Variants in PCDHA10 observed in about 807,000 individuals in gnomAD.
PCDHA10 encodes protocadherin alpha-10.
Under a neutral mutation model 61.2 loss-of-function variants are expected in PCDHA10, and 45 were observed. The observed-to-expected ratio is 0.74, with a 90% CI of 0.58 to 0.94. PCDHA10 has a LOEUF of 0.94. Ranked by LOEUF, PCDHA10 falls within the 40% of genes least tolerant of loss-of-function variation. PCDHA10 has a pLI of 0.00. For synonymous variants in PCDHA10, 602 were observed against 548.8 expected (o/e 1.10, Z -1.35); for missense variants, 1,278 against 1,236.2 (o/e 1.03, Z -0.51).
At chr5:140,911,709 G>A (rs1029382331) in intron 1 of PCDHA10, among the ~76,000 whole-genome samples, 1 of 151,822 alleles carries the variant, frequency 6.6e-6, no homozygotes, top group Non-Finnish European at 1.5e-5. Context: ...AATTTATTTT[G>A]TGTAACTCTG....
intron 1 of PCDHA10, chr5:140,870,604 C>T (rs376574285): frequency 1.9e-6 from 3 of 1,613,134 alleles, no homozygotes; most frequent in African/African-American, 2.7e-5. Context: ...GTTGGGCGAC[C>T]GCGCGCTGTC....
intron 1 of PCDHA10, among the ~76,000 whole-genome samples, chr5:140,947,556 A>C (rs1281977555): frequency 1.3e-5 from 2 of 151,584 alleles, no homozygotes; most frequent in Admixed American, 6.6e-5. Flanking sequence ...TTCCGCTGGG[A>C]TTTATATTGG....
intron 1 of PCDHA10, among the ~76,000 whole-genome samples, chr5:140,965,088 G>A (rs1390840466): frequency 4.6e-5 from 7 of 152,196 alleles, no homozygotes; most frequent in Non-Finnish European, 8.8e-5. Context: ...CTTTGTTCCA[G>A]TCCATAGCTA....
At chr5:140,895,116 T>C (rs2064856298) in intron 1 of PCDHA10, among the ~76,000 whole-genome samples, 1 of 152,182 alleles carries the variant, frequency 6.6e-6, no homozygotes, top group African/African-American at 2.4e-5. Flanking sequence ...AAGAAGACAT[T>C]TGTTAGTTGA....
intron 1 of PCDHA10, among the ~76,000 whole-genome samples, chr5:140,902,102 GA>G (rs782818661): frequency 1.3e-5 from 2 of 151,098 alleles, no homozygotes; most frequent in Non-Finnish European, 2.9e-5. Context: ...GGAGTCTTTA[GA>G]TTTTTTTAAA....
intron 1 of PCDHA10, among the ~76,000 whole-genome samples, chr5:140,889,977 C>A (rs2062447126): frequency 6.6e-6 from 1 of 152,102 alleles, no homozygotes; most frequent in African/African-American, 2.4e-5. Flanking sequence ...ATCCAGTCTC[C>A]AGTTGTCTTA....
In PCDHA10 at chr5:141,009,814, A is replaced by C. The variant is rs781835321; in HGVS notation, c.2724A>C (p.Lys908Asn). Residue 908 changes from lysine to asparagine, a missense_variant, in exon 4 of 4, where the codon AAA (lysine) becomes AAC (asparagine). By Grantham distance (94) the Lys-to-Asn change is moderately conservative. Coordinates refer to ENST00000307360, the MANE Select transcript of PCDHA10 (RefSeq NM_018901.4). ...RQEPTNSQID[K>N]SDFITFGKKE... ...AGCCTACTAACAGCCAAATTGACAA[A>C]AGTGACTTCATAACCTTCGGCAAAA... The C allele has an allele frequency of 6.2e-7, 1 of 1,614,124 alleles. No individual in the cohort carries two copies. The highest frequency in any genetic ancestry group is 8.5e-7 in the Non-Finnish European group (1 of 1,180,010).
At chr5:141,001,811 C>T (rs1200900455) in intron 3 of PCDHA10, among the ~76,000 whole-genome samples, 1 of 152,128 alleles carries the variant, frequency 6.6e-6, no homozygotes, top group Non-Finnish European at 1.5e-5. Flanking sequence ...ATTCTACAAT[C>T]GGCCAAATTC....
At chr5:140,916,821 CT>C (rs1452400361) in intron 1 of PCDHA10, among the ~76,000 whole-genome samples, 3 of 152,170 alleles carry the variant, frequency 2.0e-5, no homozygotes, top group Non-Finnish European at 2.9e-5. Flanking sequence ...TGTGCCACCC[CT>C]ATCCCTCTGG....
rs141079325 is a variant in PCDHA10 at position 140,900,797 on chromosome 5, T to C, written c.2388+42361T>C. Among the ~76,000 whole-genome samples the C allele has an allele frequency of 8.0e-3, 1,218 of 152,324 alleles. 6 individuals carry two copies. Among genetic ancestry groups the C allele is most frequent in the African/African-American group, 0.019 (783 of 41,568 alleles). On this transcript the variant is annotated intron_variant, in intron 1 of 3. Coordinates refer to ENST00000307360, the MANE Select transcript of PCDHA10 (RefSeq NM_018901.4). ...TGAGGAAACTCCAAACTGTTCTCCA[T>C]AGTGCTTGTACTAATTTACATTCCC...
chr5:140,857,140 G>A lies in PCDHA10; in HGVS notation c.1092G>A (p.Val364=). 6.3e-7 allele frequency: 1 copy of A among 1,598,276 alleles called. No homozygotes were observed. The highest frequency in any genetic ancestry group is 8.6e-7 in the Non-Finnish European group (1 of 1,167,788). Residue 364 remains valine, a synonymous_variant, in exon 1 of 4, where the codon GTG becomes GTA. Coordinates refer to ENST00000307360, the MANE Select transcript of PCDHA10 (RefSeq NM_018901.4). ...LSLPVKEDAQ[V]GTVIALISVS... ...TCCCAGTGAAAGAAGATGCTCAAGT[G>A]GGCACCGTCATTGCCCTAATCAGCG... is the stretch of plus-strand genomic sequence containing the variant.
At chr5:140,859,117 T>C (rs1441256234) in intron 1 of PCDHA10, 3 of 150,206 alleles carry the variant, frequency 2.0e-5, no homozygotes, top group Non-Finnish European at 4.5e-5. Context: ...AGAAAATGTA[T>C]GTTTCTTTTA....
chr5:140,868,942 C>G (rs1238492263), intron 1 of PCDHA10: 1 of 1,256,058 alleles, frequency 8.0e-7, no homozygotes, highest in Admixed American at 2.8e-5. Context: ...TTGGTCTGAA[C>G]AGTGAGGCAC....
intron 1 of PCDHA10, among the ~76,000 whole-genome samples, chr5:140,925,337 A>G (rs2082438861): frequency 6.6e-6 from 1 of 152,072 alleles, no homozygotes; most frequent in South Asian, 2.1e-4. Flanking sequence ...TAAAAGAAGG[A>G]TTTGAGTGAG....
chr5:140,936,981 T>C (rs2153630854), intron 1 of PCDHA10, among the ~76,000 whole-genome samples: 1 of 152,330 alleles, frequency 6.6e-6, no homozygotes, highest in South Asian at 2.1e-4. Flanking sequence ...ATGAAGCTTG[T>C]TAACATTGAC....
At chr5:140,969,224 T>A (rs782172299) in intron 1 of PCDHA10, 1 of 1,614,100 alleles carries the variant, frequency 6.2e-7, no homozygotes, top group East Asian at 2.2e-5. Context: ...ACCAGGGCCT[T>A]CGGGAGCCCA....
At position 140,857,203 on chromosome 5, in the gene PCDHA10, C is replaced by T. The variant is rs781954201; in HGVS notation, c.1155C>T (p.Thr385=). 1.0e-5 allele frequency: 16 copies of T among 1,598,514 alleles called. 1 individual carries two copies. In the Admixed American group the frequency reaches 2.4e-4, roughly 24 times the overall value. Residue 385 remains threonine, a synonymous_variant, in exon 1 of 4, where the codon ACC becomes ACT. Transcript: ENST00000307360. ...DHDSGANGQV[T]CSLTPHVPFK... is the part of the protein sequence containing the mutation. ...ATTCAGGAGCCAACGGACAGGTCAC[C>T]TGCTCTCTGACGCCTCACGTTCCGT...
intron 1 of PCDHA10, chr5:140,968,131 G>A (rs1485866692): frequency 1.2e-6 from 2 of 1,614,042 alleles, no homozygotes; most frequent in African/African-American, 1.3e-5. Context: ...TGCGTACACT[G>A]AAGGTTGAGA....
chr5:140,877,225 G>T, intron 1 of PCDHA10: 1 of 1,613,746 alleles, frequency 6.2e-7, no homozygotes, highest in South Asian at 1.1e-5. Context: ...ACCGCGGTCG[G>T]TGGGTGCGGG....
Sources: gnomAD v4.1 joint callset for allele counts (sites outside exome capture counted in the v4.1 genomes callset) on GRCh38, gnomAD v4.1.1 for gene constraint, MANE v1.5 for transcripts, NCBI Gene and HGNC (gene_info 2026-07-23, HGNC 2026-07-21) for gene names.